CNTNAP3: variants seen among roughly 807,000 people sequenced by gnomAD.
CNTNAP3 encodes contactin-associated protein-like 3.
Under a neutral mutation model 92.1 loss-of-function variants are expected in CNTNAP3, and 36 were observed. That is an observed-to-expected ratio of 0.39 (90% CI 0.30 to 0.52). The LOEUF is 0.52. Ranked by LOEUF, CNTNAP3 falls within the 20% of genes least tolerant of loss-of-function variation. The pLI, the probability that CNTNAP3 is intolerant of heterozygous loss-of-function variation, is 0.76. For synonymous variants in CNTNAP3, 232 were observed against 422.3 expected, an observed-to-expected ratio of 0.55 and a Z score of 5.53; for missense variants, 534 against 1,069.6, an observed-to-expected ratio of 0.50 and a Z score of 6.98.
chr9:39,103,715 C>G, intron 16 of CNTNAP3, 29 bp downstream of exon 16: 1 of 1,601,530 alleles, frequency 6.2e-7, no homozygotes, highest in Non-Finnish European at 8.5e-7. Context: ...AATGGGTACC[C>G]TGTGACTTGT....
At chr9:39,151,869 T>G (rs1821851213) in intron 9 of CNTNAP3, among the ~76,000 whole-genome samples, 1 of 149,940 alleles carries the variant, frequency 6.7e-6, no homozygotes. Context: ...AATTTCTTAC[T>G]TTCTTTTCCC....
chr9:39,285,804 G>A lies in CNTNAP3; in HGVS notation c.85+2176C>T, dbSNP rs1267199677. Reference sequence around the variant, plus strand: ...CCCAAAGTGCTGGGATTACAGACGCGAGCCACTGTGCCCGGCCTATAGAGC... The same window carrying A: ...CCCAAAGTGCTGGGATTACAGACGCAAGCCACTGTGCCCGGCCTATAGAGC... On this transcript the variant is annotated intron_variant, in intron 1 of 23. Coordinates refer to ENST00000297668, the MANE Select transcript of CNTNAP3 (RefSeq NM_033655.5). Among the ~76,000 whole-genome samples, 135 of 58,496 alleles carry A rather than the reference G, an allele frequency of 2.3e-3. 44 individuals carry two copies. The highest frequency in any genetic ancestry group is 4.7e-3 in the African/African-American group (123 of 26,126). The allele number at this position is 58,496 out of a possible 152,430, so 38.4% of individuals were successfully genotyped here.
At chr9:39,104,293 G>A (rs1285144986) in intron 15 of CNTNAP3, among the ~76,000 whole-genome samples, 1 of 152,110 alleles carries the variant, frequency 6.6e-6, no homozygotes, top group Non-Finnish European at 1.5e-5. Context: ...TGACTTTGGG[G>A]TTTTTGGTCT....
chr9:39,118,013 A>G (rs1293767968), intron 14 of CNTNAP3, 90 bp downstream of exon 14: 3 of 1,590,458 alleles, frequency 1.9e-6, no homozygotes, highest in Admixed American at 3.5e-5. Flanking sequence ...TAGTTACCTT[A>G]TTGTACCAGC....
chr9:39,091,916 T>C (rs1016566834), intron 18 of CNTNAP3, among the ~76,000 whole-genome samples: 2 of 151,950 alleles, frequency 1.3e-5, no homozygotes, highest in African/African-American at 2.4e-5. Context: ...TTTATTGTTA[T>C]AGGCCAATTT....
At chr9:39,109,054 A>C in intron 15 of CNTNAP3, 106 bp downstream of exon 15, 1 of 1,473,374 alleles carries the variant, frequency 6.8e-7, no homozygotes, top group Non-Finnish European at 9.0e-7. Flanking sequence ...CCCCAGTCCT[A>C]GTACTGCCAC....
chr9:39,130,495 CTT>C (rs58074019), intron 13 of CNTNAP3, among the ~76,000 whole-genome samples: 4 of 111,160 alleles, frequency 3.6e-5, no homozygotes, highest in East Asian at 2.7e-4. Context: ...AGGAGGAATT[CTT>C]TTTTTTTTTT....
intron 14 of CNTNAP3, chr9:39,117,785 T>C: frequency 3.2e-6 from 1 of 309,308 alleles, no homozygotes; most frequent in Non-Finnish European, 6.2e-6. Flanking sequence ...AATTGCCACA[T>C]GAATACTACG....
chr9:39,120,958 G>T (rs1381443140), intron 13 of CNTNAP3, among the ~76,000 whole-genome samples: 2 of 151,910 alleles, frequency 1.3e-5, no homozygotes, highest in East Asian at 1.9e-4. Flanking sequence ...GAAGATAAAG[G>T]ACCCAAATAG....
intron 14 of CNTNAP3, among the ~76,000 whole-genome samples, chr9:39,113,728 TAA>T (rs1017671664): frequency 7.2e-5 from 11 of 152,172 alleles, no homozygotes; most frequent in African/African-American, 2.2e-4. Context: ...TAAAATTTGT[TAA>T]GATTCCATCC....
At chr9:39,098,162 C>T (rs1390828659) in intron 18 of CNTNAP3, among the ~76,000 whole-genome samples, 1 of 145,660 alleles carries the variant, frequency 6.9e-6, no homozygotes, top group Non-Finnish European at 1.5e-5. Context: ...AAAGGCTAAT[C>T]CAAAGTGGTA....
At chr9:39,148,717 G>C (rs1186137010) in intron 10 of CNTNAP3, among the ~76,000 whole-genome samples, 1 of 152,008 alleles carries the variant, frequency 6.6e-6, no homozygotes, top group Non-Finnish European at 1.5e-5. Flanking sequence ...AGTAGAGACG[G>C]GGTTTCACCA....
chr9:39,099,405 A>G (rs1161835163), intron 18 of CNTNAP3, among the ~76,000 whole-genome samples: 1 of 152,164 alleles, frequency 6.6e-6, no homozygotes, highest in African/African-American at 2.4e-5. Context: ...CCTTCTAGTT[A>G]GTATGCTTGT....
rs1169032648 is a variant in CNTNAP3, at chr9:39,140,330, C to T, written c.1876+189G>A. 9.9e-5 allele frequency among the ~76,000 whole-genome samples: 15 copies of T among 152,014 alleles called. No homozygotes were observed. In the East Asian group the frequency reaches 2.9e-3, roughly 29 times the overall value. On this transcript the variant is annotated intron_variant, in intron 12 of 23. Coordinates refer to ENST00000297668, the MANE Select transcript of CNTNAP3 (RefSeq NM_033655.5). ...TGCCTTGGCAGAGCACTGAATCTTT[C>T]CTATAATCCAACCCAGGCAAACAAG...
Position 39,149,833 on chromosome 9 carries a change from T to A in CNTNAP3, c.1622A>T (p.Gln541Leu). The A allele has an allele frequency of 4.4e-6, 7 of 1,601,268 alleles. No homozygotes were observed. Among genetic ancestry groups the A allele is most frequent in the Non-Finnish European group, 6.0e-6 (7 of 1,173,990 alleles). ...QGALGSFRDL[Q>L]IDSCGITDRC... Reference sequence around the variant, plus strand: ...GTCTGTGATGCCGCAGGAGTCTATCTGGAGGTCCCTGAAACTCCCCAGCGC... The same window carrying A: ...GTCTGTGATGCCGCAGGAGTCTATCAGGAGGTCCCTGAAACTCCCCAGCGC... Residue 541 changes from glutamine to leucine, a missense_variant, in exon 10 of 24, where the codon CAG (glutamine) becomes CTG (leucine). Transcript: ENST00000297668.
chr9:39,157,441 G>A (rs1162585282), intron 9 of CNTNAP3, among the ~76,000 whole-genome samples: 2 of 93,418 alleles, frequency 2.1e-5, no homozygotes, highest in East Asian at 6.3e-4. Context: ...CCAGGTTCAT[G>A]CCATTCTCTT....
chr9:39,082,709 T>G (rs1159830208), intron 21 of CNTNAP3, among the ~76,000 whole-genome samples: 1 of 152,276 alleles, frequency 6.6e-6, no homozygotes, highest in Non-Finnish European at 1.5e-5. Context: ...ACAGACTTGC[T>G]TAGTGCTTGT....
chr9:39,095,301 T>C (rs1265741454), intron 18 of CNTNAP3, among the ~76,000 whole-genome samples: 2 of 151,724 alleles, frequency 1.3e-5, no homozygotes, highest in Non-Finnish European at 1.5e-5. Context: ...CTATTGAAAT[T>C]TGGATGCCTT....
At chr9:39,132,032 GTTTT>G in intron 13 of CNTNAP3, among the ~76,000 whole-genome samples, 1 of 152,074 alleles carries the variant, frequency 6.6e-6, no homozygotes, top group South Asian at 2.1e-4. Context: ...TACTGTTTTT[GTTTT>G]TTTAAGACAA....
Sources: gnomAD v4.1 joint callset for allele counts (sites outside exome capture counted in the v4.1 genomes callset) on GRCh38, gnomAD v4.1.1 for gene constraint, MANE v1.5 for transcripts, NCBI Gene and HGNC (gene_info 2026-07-23, HGNC 2026-07-21) for gene names.